LRRFIP2: variants seen among roughly 807,000 people sequenced by gnomAD.
LRRFIP2 encodes the protein leucine-rich repeat flightless-interacting protein 2.
Under a neutral mutation model 125.9 loss-of-function variants are expected in LRRFIP2, and 109 were observed. That is an observed-to-expected ratio of 0.87 (90% confidence interval 0.74 to 1.01). The LOEUF is 1.01. Ranked by LOEUF, LRRFIP2 falls within the 50% of genes least tolerant of loss-of-function variation. The probability of loss-of-function intolerance (pLI) is 0.00; values close to 1 mark genes in which losing one functional copy is unlikely to be tolerated. For missense variants in LRRFIP2, 850 were observed against 862.3 expected, an observed-to-expected ratio of 0.99 and a Z score of 0.18; for synonymous variants, 291 against 293.1, an observed-to-expected ratio of 0.99 and a Z score of 0.07.
chr3:37,141,255 T>C (rs1324601162), intron 2 of LRRFIP2, among the ~76,000 whole-genome samples: 1 of 152,204 alleles, frequency 6.6e-6, no homozygotes, highest in Non-Finnish European at 1.5e-5. Flanking sequence ...AATTCAAATC[T>C]GAAAAAGGAT....
At position 37,062,416 on chromosome 3, in the gene LRRFIP2, A is replaced by G. The variant is rs78903093; in HGVS notation, c.1749+1326T>C. On this transcript the variant is annotated intron_variant, in intron 24 of 27. Transcript: ENST00000336686. ...ACACAGCATATGGGAGGGGAAAAAA[A>G]TCAGTAACAAAATCATTCAAGAAAT... Among the ~76,000 whole-genome samples, 46 of 152,324 alleles carry G rather than the reference A, an allele frequency of 3.0e-4. No individual in the cohort carries two copies. The East Asian group carries it at 8.7e-3, about 29-fold the overall frequency.
chr3:37,067,318 A>G (rs1399190249), intron 21 of LRRFIP2: 1 of 152,232 alleles, frequency 6.6e-6, no homozygotes, highest in African/African-American at 2.4e-5. Flanking sequence ...AATAAAATCT[A>G]CTATGAAAAA....
intron 6 of LRRFIP2, among the ~76,000 whole-genome samples, chr3:37,119,996 C>CTA (rs1488225664): frequency 6.6e-6 from 1 of 151,358 alleles, no homozygotes; most frequent in East Asian, 2.0e-4. Context: ...AAACAAAGTA[C>CTA]TATATCTCCA....
intron 19 of LRRFIP2, among the ~76,000 whole-genome samples, chr3:37,077,012 C>A (rs1264524428): frequency 6.6e-6 from 1 of 152,068 alleles, no homozygotes; most frequent in East Asian, 1.9e-4. Context: ...CGGAAACAAA[C>A]AAAATACTAG....
chr3:37,136,702 T>G (rs2095562928), intron 2 of LRRFIP2, among the ~76,000 whole-genome samples: 1 of 151,972 alleles, frequency 6.6e-6, no homozygotes, highest in Non-Finnish European at 1.5e-5. Context: ...TTGACCACAT[T>G]ACTAAATAAA....
Position 37,060,576 on chromosome 3 carries a change from T to TA in LRRFIP2, c.1750-1667dup, listed in dbSNP as rs2088324557. 1.3e-5 allele frequency among the ~76,000 whole-genome samples: 2 copies of TA among 151,702 alleles called. No individual in the cohort carries two copies. The highest frequency in any genetic ancestry group is 4.2e-4 in the South Asian group (2 of 4,786). ...CCTTGGCCTCCCCAAGTGCTGGGAT[T>TA]ACAGACATGAGCCACCATGCCCGGC... On this transcript the variant is annotated intron_variant, in intron 24 of 27. Transcript: ENST00000336686. The surrounding 1 kb of genome is among the most constrained non-coding windows in gnomAD (Gnocchi z 4.1).
chr3:37,103,506 A>C (rs1387845825), intron 14 of LRRFIP2, among the ~76,000 whole-genome samples: 1 of 152,194 alleles, frequency 6.6e-6, no homozygotes, highest in Non-Finnish European at 1.5e-5. Flanking sequence ...AGGAAATGTA[A>C]GACAAAATAA....
chr3:37,075,177 C>T (rs2091852490), intron 19 of LRRFIP2, 61 bp from the exon 20 acceptor site: 2 of 1,087,304 alleles, frequency 1.8e-6, no homozygotes, highest in Non-Finnish European at 2.8e-6. Flanking sequence ...TTTGAACATA[C>T]ACAATACAAC....
In LRRFIP2 at chr3:37,169,082, C is replaced by T. The variant is rs553814960; in HGVS notation, c.-56+5457G>A. Among the ~76,000 whole-genome samples, 6 of 152,240 alleles carry T rather than the reference C, an allele frequency of 3.9e-5. No individual in the cohort carries two copies. The East Asian group carries it at 1.2e-3, about 29-fold the overall frequency. ...CTGCACAAGTTTATGGCCCAGGAAC[C>T]ACAGACTATACCATATAGTCTAGGT... On this transcript the variant is annotated intron_variant, in intron 1 of 27. Transcript: ENST00000336686.
intron 2 of LRRFIP2, among the ~76,000 whole-genome samples, chr3:37,136,898 A>G (rs1025870132): frequency 1.3e-4 from 18 of 139,840 alleles, no homozygotes; most frequent in African/African-American, 4.3e-4. Context: ...CAGATAATAT[A>G]TCTACCATGG....
intron 1 of LRRFIP2, among the ~76,000 whole-genome samples, chr3:37,149,476 C>A (rs956420242): frequency 6.6e-6 from 1 of 151,908 alleles, no homozygotes; most frequent in Non-Finnish European, 1.5e-5. Context: ...AAGATTGCGC[C>A]ACAGCACTCC....
At chr3:37,083,587 G>A in intron 19 of LRRFIP2, 49 bp downstream of exon 19, 1 of 1,351,954 alleles carries the variant, frequency 7.4e-7, no homozygotes, top group East Asian at 2.6e-5. Context: ...CTTTGTAAGT[G>A]GCAGGCTTTT....
At chr3:37,074,185 G>C (rs1358408559) in intron 20 of LRRFIP2, among the ~76,000 whole-genome samples, 2 of 152,210 alleles carry the variant, frequency 1.3e-5, no homozygotes, top group Non-Finnish European at 2.9e-5. Flanking sequence ...AGGGGAAAGA[G>C]AGAAAGAGGG....
intron 2 of LRRFIP2, among the ~76,000 whole-genome samples, chr3:37,143,020 T>G (rs575770016): frequency 6.6e-6 from 1 of 152,260 alleles, no homozygotes; most frequent in South Asian, 2.1e-4. Context: ...TCGTGAGATC[T>G]GGCTGTCCCC....
At chr3:37,166,981 C>CTCCA (rs1454709434) in intron 1 of LRRFIP2, among the ~76,000 whole-genome samples, 1 of 151,606 alleles carries the variant, frequency 6.6e-6, no homozygotes, top group Non-Finnish European at 1.5e-5. Context: ...CGCCATTGCA[C>CTCCA]TCCAGCCTGG....
At chr3:37,174,281 G>A (rs1490380701) in intron 1 of LRRFIP2, 3 of 152,140 alleles carry the variant, frequency 2.0e-5, no homozygotes, top group Non-Finnish European at 1.5e-5. Context: ...AGAACTCTGT[G>A]ATTTCAACCT....
chr3:37,142,858 T>C (rs2095747435), intron 2 of LRRFIP2, among the ~76,000 whole-genome samples: 1 of 152,226 alleles, frequency 6.6e-6, no homozygotes. Context: ...TTCAAAAAAG[T>C]AAACATGTTA....
At chr3:37,114,583 G>C (rs947008498) in intron 7 of LRRFIP2, among the ~76,000 whole-genome samples, 2 of 152,046 alleles carry the variant, frequency 1.3e-5, no homozygotes, top group Non-Finnish European at 2.9e-5. Flanking sequence ...AAAAGTTCGA[G>C]ACCAGCCTGG....
intron 15 of LRRFIP2, among the ~76,000 whole-genome samples, chr3:37,102,671 T>A (rs2094126825): frequency 6.6e-6 from 1 of 151,862 alleles, no homozygotes; most frequent in South Asian, 2.1e-4. Context: ...GCTAATTTTT[T>A]TTGTATTTTT....
Sources: gnomAD v4.1 joint callset for allele counts (sites outside exome capture counted in the v4.1 genomes callset) on GRCh38, gnomAD v4.1.1 for gene constraint, Gnocchi (gnomAD v3.1) non-coding constraint, MANE v1.5 for transcripts, NCBI Gene and HGNC (gene_info 2026-07-23, HGNC 2026-07-21) for gene names.